Variants in ERMP1 observed in about 807,000 individuals in gnomAD.
ERMP1 encodes the protein Felix-ina.
In ERMP1, 86 loss-of-function variants were observed where a neutral mutation model predicts 92.0. The ratio of observed to expected loss-of-function variants is 0.93; its 90% CI spans 0.79 to 1.12. The LOEUF is 1.12. Among genes scored for constraint, ERMP1 ranks in the 50% most tolerant of loss-of-function variants. The probability of loss-of-function intolerance (pLI) is 0.00; values close to 1 mark genes in which losing one functional copy is unlikely to be tolerated. For missense variants in ERMP1, 1,342 were observed against 1,116.3 expected, an observed-to-expected ratio of 1.20 and a Z score of -2.88; for synonymous variants, 530 against 412.8, an observed-to-expected ratio of 1.28 and a Z score of -3.44.
intron 10 of ERMP1, among the ~76,000 whole-genome samples, chr9:5,802,292 T>C (rs1158641637): frequency 6.6e-6 from 1 of 152,196 alleles, no homozygotes; most frequent in African/African-American, 2.4e-5. Flanking sequence ...TGGTATACTA[T>C]AGACATGAAA....
rs1249742161 is a variant in ERMP1, at chr9:5,805,740, G to C, written c.1594C>G (p.Leu532Val). ...YLGEVFFDIS[L>V]FVHCCFLVTL... Reference sequence around the variant, plus strand: ...ACAAGAAAACAGCAATGGACAAACAGCGAAATGTCAAAAAATACTTCTCCC... The same window carrying C: ...ACAAGAAAACAGCAATGGACAAACACCGAAATGTCAAAAAATACTTCTCCC... Residue 532 changes from leucine (L) to valine (V), a missense_variant, in exon 9 of 15, where the codon CTG becomes GTG. Transcript: ENST00000339450. 13 of 1,611,064 alleles carry C rather than the reference G, an allele frequency of 8.1e-6. No individual in the cohort carries two copies. The highest frequency in any genetic ancestry group is 8.5e-6 in the Non-Finnish European group (10 of 1,179,134).
chr9:5,787,340 C>T (rs1418854959), intron 14 of ERMP1, 32 bp from the exon 15 acceptor site: 1 of 1,605,916 alleles, frequency 6.2e-7, no homozygotes, highest in Non-Finnish European at 8.5e-7. Context: ...TTCTCCAGTT[C>T]TCAGAAGCCA....
At chr9:5,812,851 A>G in intron 5 of ERMP1, 38 bp downstream of exon 5, 1 of 1,612,754 alleles carries the variant, frequency 6.2e-7, no homozygotes, top group East Asian at 2.2e-5. Flanking sequence ...TTTGATAAAT[A>G]AATGCTGCAC....
intron 6 of ERMP1, among the ~76,000 whole-genome samples, chr9:5,859,266 CT>C (rs1438263808): frequency 1.8e-5 from 1 of 54,694 alleles, no homozygotes; most frequent in East Asian, 3.2e-4. Context: ...GGCAAAGACA[CT>C]TTGGCAAAGG....
At chr9:5,863,717 G>C (rs1400621631) in intron 5 of ERMP1, among the ~76,000 whole-genome samples, 1 of 152,172 alleles carries the variant, frequency 6.6e-6, no homozygotes, top group Non-Finnish European at 1.5e-5. Flanking sequence ...AATTTTAAAA[G>C]ACAATTTCCT....
intron 13 of ERMP1, among the ~76,000 whole-genome samples, chr9:5,789,567 C>G (rs1828086394): frequency 6.6e-6 from 1 of 152,222 alleles, no homozygotes; most frequent in Non-Finnish European, 1.5e-5. Context: ...TTTCCTGAGA[C>G]AGGGTCTTGC....
chr9:5,791,717 A>C (rs1416673228), intron 13 of ERMP1, among the ~76,000 whole-genome samples: 1 of 152,220 alleles, frequency 6.6e-6, no homozygotes, highest in Non-Finnish European at 1.5e-5. Context: ...TCTCCGTACT[A>C]AGCCCAAGTA....
chr9:5,816,889 G>A lies in ERMP1; in HGVS notation c.875-3854C>T, dbSNP rs137941963. 2.4e-3 allele frequency among the ~76,000 whole-genome samples: 371 copies of A among 151,444 alleles called. 4 individuals are homozygous for A. Among genetic ancestry groups the A allele is most frequent in the African/African-American group, 8.6e-3 (355 of 41,352 alleles). On this transcript the variant is annotated intron_variant, in intron 4 of 14. Transcript: ENST00000339450. ...TTTGACCTTAGATCATCTAACTACAGAGCCTATGCTTTTTTTTTTTTTTTT... is the reference window on the plus strand; with the variant it reads ...TTTGACCTTAGATCATCTAACTACAAAGCCTATGCTTTTTTTTTTTTTTTT...
At chr9:5,842,564 T>C (rs1222331243) in intron 6 of ERMP1, among the ~76,000 whole-genome samples, 2 of 152,336 alleles carry the variant, frequency 1.3e-5, no homozygotes, top group African/African-American at 4.8e-5. Context: ...AACAATTTTA[T>C]ATTATGTAAA....
intron 5 of ERMP1, among the ~76,000 whole-genome samples, chr9:5,865,452 G>C (rs569665732): frequency 2.0e-4 from 30 of 150,994 alleles, no homozygotes; most frequent in Non-Finnish European, 4.0e-4. Flanking sequence ...AGCTTGCAGT[G>C]AGCCGAGATC....
intron 6 of ERMP1, among the ~76,000 whole-genome samples, chr9:5,854,934 A>C (rs569151487): frequency 8.5e-5 from 13 of 152,274 alleles, no homozygotes; most frequent in African/African-American, 2.9e-4. Flanking sequence ...TTGCCAAAAA[A>C]CTTTTAGGGG....
At chr9:5,861,199 G>GTGTGTGTGTGTGTGTGTGTGTGTA (rs1830483820) in intron 5 of ERMP1, among the ~76,000 whole-genome samples, 2 of 146,546 alleles carry the variant, frequency 1.4e-5, no homozygotes, top group Non-Finnish European at 3.0e-5. Flanking sequence ...GTGTGTGTGT[G>GTGTGTGTGTGTGTGTGTGTGTGTA]TGTGTGTGTG....
At chr9:5,861,682 G>C (rs932809251) in intron 5 of ERMP1, among the ~76,000 whole-genome samples, 1 of 149,298 alleles carries the variant, frequency 6.7e-6, no homozygotes, top group Non-Finnish European at 1.5e-5. Flanking sequence ...AGTGCAGGCA[G>C]AGCTCTAGTG....
upstream of ERMP1, among the ~76,000 whole-genome samples, chr9:5,837,112 T>TA (rs1830104364): frequency 6.6e-6 from 1 of 152,190 alleles, no homozygotes. Flanking sequence ...ATATTCATCT[T>TA]AAAAGCCTTT....
chr9:5,803,799 G>A (rs1239281153), intron 10 of ERMP1, among the ~76,000 whole-genome samples: 1 of 152,076 alleles, frequency 6.6e-6, no homozygotes, highest in Non-Finnish European at 1.5e-5. Flanking sequence ...ACAGCCCTAT[G>A]AATACCAATA....
chr9:5,821,721 C>G (rs942161616), intron 4 of ERMP1, among the ~76,000 whole-genome samples: 1 of 152,122 alleles, frequency 6.6e-6, no homozygotes, highest in East Asian at 1.9e-4. Context: ...TGGATAGGAG[C>G]AGTATAGGGG....
Position 5,832,874 on chromosome 9 carries a change from T to C in ERMP1, c.154A>G (p.Arg52Gly). ...GCSGGGRTRK[R>G]SPGGSGGASR... ...GCGCCGCCGCTACCCCCGGGGCTCC[T>C]CTTCCGCGTCCTCCCGCCGCCGCTG... The change falls in exon 1 of 15, where the codon AGG (arginine) becomes GGG (glycine). Residue 52 changes from arginine to glycine, a missense_variant. Arg to Gly is a moderately radical substitution (Grantham distance 125, BLOSUM62 -2). Transcript: ENST00000339450. 6.5e-7 allele frequency: 1 copy of C among 1,529,646 alleles called. No homozygotes were observed. Among genetic ancestry groups the C allele is most frequent in the Non-Finnish European group, 8.7e-7 (1 of 1,148,064 alleles). 94.8% of individuals were successfully genotyped at this position (1,529,646 alleles called of 1,614,324 possible).
At chr9:5,845,353 A>T (rs1234093927) in intron 6 of ERMP1, among the ~76,000 whole-genome samples, 2 of 152,286 alleles carry the variant, frequency 1.3e-5, no homozygotes, top group East Asian at 3.9e-4. Flanking sequence ...ACTTGAAACC[A>T]GGAGTTCAAG....
At chr9:5,792,598 A>T (rs774857853) in intron 13 of ERMP1, among the ~76,000 whole-genome samples, 1 of 152,212 alleles carries the variant, frequency 6.6e-6, no homozygotes, top group Non-Finnish European at 1.5e-5. Context: ...CTTTAGGGCA[A>T]GAAAAACCAC....
Sources: gnomAD v4.1 joint callset for allele counts (sites outside exome capture counted in the v4.1 genomes callset) on GRCh38, gnomAD v4.1.1 for gene constraint, MANE v1.5 for transcripts, NCBI Gene and HGNC (gene_info 2026-07-23, HGNC 2026-07-21) for gene names.